The following PZP variants were observed in gnomAD, a reference collection of about 807,000 sequenced individuals.
PZP encodes the protein pregnancy zone protein.
A neutral mutation model predicts 179.8 loss-of-function variants in PZP; 150 were observed. That is an observed-to-expected ratio of 0.83 (90% CI 0.73 to 0.96). PZP has a LOEUF of 0.96. PZP is among the 40% of genes least tolerant of loss of function. The pLI, the probability that PZP is intolerant of heterozygous loss-of-function variation, is 0.00. For missense variants in PZP, 1,689 were observed against 1,764.0 expected (o/e 0.96, Z 0.76); for synonymous variants, 624 against 652.3 (o/e 0.96, Z 0.66).
At chr12:9,178,743 G>A (rs1001292522) in intron 15 of PZP, among the ~76,000 whole-genome samples, 3 of 152,224 alleles carry the variant, frequency 2.0e-5, no homozygotes, top group African/African-American at 2.4e-5. Context: ...ATGTGTTCCA[G>A]CTGATGGTCA....
the PZP span, among the ~76,000 whole-genome samples, chr12:9,139,613 G>A: frequency 2.6e-5 from 4 of 152,234 alleles, no homozygotes; most frequent in East Asian, 7.7e-4. Context: ...GTGTTCTACT[G>A]TTGGATGCAT....
In PZP at chr12:9,198,159, G is replaced by A. The variant is rs148839518; in HGVS notation, c.756-1036C>T. Among the ~76,000 whole-genome samples, 186 of 151,020 alleles carry A rather than the reference G, an allele frequency of 1.2e-3. 4 individuals carry two copies. The South Asian group carries it at 0.02, about 16-fold the overall frequency. Reference sequence around the variant, plus strand: ...AGGCCAAAAGTTCCCAACTAGCATGGGTAACATAGCAGGACCCAATCTCTA... The same window carrying A: ...AGGCCAAAAGTTCCCAACTAGCATGAGTAACATAGCAGGACCCAATCTCTA... On this transcript the variant is annotated intron_variant, in intron 7 of 35. Transcript: ENST00000261336.
Position 9,203,759 on chromosome 12 carries a change from A to G in PZP, c.267+9T>C, listed in dbSNP as rs1211119220. 2 of 1,613,804 alleles carry G rather than the reference A, an allele frequency of 1.2e-6. No homozygotes were observed. Among genetic ancestry groups the G allele is most frequent in the African/African-American group, 2.7e-5 (2 of 74,916 alleles). On this transcript the variant is annotated intron_variant, in intron 2 of 35. Transcript: ENST00000261336. ...AGCAGGGATAGCCAGCTGGCACCGT[A>G]GCACTCACAGTGAAGGAGACACAGT...
chr12:9,179,300 A>G (rs1942601512), intron 15 of PZP, among the ~76,000 whole-genome samples: 1 of 152,080 alleles, frequency 6.6e-6, no homozygotes, highest in Non-Finnish European at 1.5e-5. Context: ...ATCCACCTAT[A>G]TCCTTTTTTA....
intron 6 of PZP, 69 bp from the exon 7 acceptor site, chr12:9,200,517 A>G: frequency 1.6e-6 from 2 of 1,242,776 alleles, no homozygotes; most frequent in Admixed American, 2.0e-5. Context: ...TAATTTCAGT[A>G]TGTCTATAAT....
At chr12:9,198,789 G>T (rs1044903155) in intron 7 of PZP, among the ~76,000 whole-genome samples, 1 of 152,148 alleles carries the variant, frequency 6.6e-6, no homozygotes, top group Non-Finnish European at 1.5e-5. Context: ...TTATTCTGAA[G>T]CCCTTCTCCA....
Position 9,153,223 on chromosome 12 carries a change from C to T in PZP, c.3895G>A (p.Asp1299Asn). 2 of 1,614,182 alleles carry T rather than the reference C, an allele frequency of 1.2e-6. No homozygotes were observed. Residue 1299 changes from aspartate to asparagine, a missense_variant, in exon 30 of 36, where the codon GAC (aspartate) becomes AAC (asparagine). Around this residue, in one of 3 missense-constraint regions of PZP, gnomAD observed 746 missense variants for 749.2 expected, o/e 1.00. Coordinates refer to ENST00000261336, the MANE Select transcript of PZP (RefSeq NM_002864.3). ...TGCAGTAATAGGAGGTTGTTGTTGTCTACTTGGAAATTTGTAGAAAAGGTC... is the reference window on the plus strand; with the variant it reads ...TGCAGTAATAGGAGGTTGTTGTTGTTTACTTGGAAATTTGTAGAAAAGGTC... ...SQTFSTNFQVDNNNLLLLQQI... is the reference protein window; with the variant it reads ...SQTFSTNFQVNNNNLLLLQQI...
chr12:9,149,078 G>T, intron 35 of PZP, 84 bp from the exon 36 acceptor site: 1 of 1,264,900 alleles, frequency 7.9e-7, no homozygotes, highest in Admixed American at 1.7e-5. Flanking sequence ...GTGAGCTTAT[G>T]CAGGGTCAGG....
At chr12:9,186,622 C>T (rs1408764179) in intron 13 of PZP, among the ~76,000 whole-genome samples, 4 of 150,492 alleles carry the variant, frequency 2.7e-5, no homozygotes, top group African/African-American at 9.8e-5. Context: ...CAATGATAGA[C>T]TGGATAAAGA....
At chr12:9,165,484 G>A in intron 18 of PZP, 117 bp from the exon 19 acceptor site, 4 of 1,162,330 alleles carry the variant, frequency 3.4e-6, no homozygotes, top group East Asian at 2.5e-5. Context: ...GGGTATATGC[G>A]AGTGTGCATT....
intron 23 of PZP, among the ~76,000 whole-genome samples, chr12:9,160,802 C>T (rs1175731448): frequency 1.3e-5 from 2 of 151,934 alleles, no homozygotes; most frequent in Non-Finnish European, 2.9e-5. Context: ...GTAGTCCCAG[C>T]TACTCGGGAG....
rs73246398 is a variant in PZP, at chr12:9,165,363, A to C, written c.2263T>G (p.Ser755Ala). ...GTTACTCCTACCTCAGCCACACCTG[A>C]TGAGCTGGGGAGGAGGGCAAGTGAA... ...WIWELVAVNS[S>A]GVAEVGVTVP... Residue 755 changes from serine (S) to alanine (A), a missense_variant, in exon 19 of 36, where the codon TCA becomes GCA. By Grantham distance (99) the Ser-to-Ala change is moderately conservative (BLOSUM62 1). This residue lies in a region of PZP where 201 missense variants were observed against 284.2 expected (regional missense o/e 0.71). Transcript: ENST00000261336. The C allele has an allele frequency of 4.8e-5, 78 of 1,613,998 alleles. No homozygotes were observed. The highest frequency in any genetic ancestry group is 1.9e-4 in the South Asian group (17 of 91,084).
chr12:9,189,496 A>C (rs1423180074), intron 13 of PZP, among the ~76,000 whole-genome samples: 1 of 152,242 alleles, frequency 6.6e-6, no homozygotes, highest in Non-Finnish European at 1.5e-5. Context: ...TCAACTCAAG[A>C]TTGGTTAAAG....
chr12:9,179,780 G>A (rs1327691018), intron 15 of PZP, among the ~76,000 whole-genome samples: 1 of 152,218 alleles, frequency 6.6e-6, no homozygotes, highest in Non-Finnish European at 1.5e-5. Flanking sequence ...TATCACGTAG[G>A]TGGGGAATCT....
At chr12:9,195,202 C>T (rs966895874) in intron 10 of PZP, among the ~76,000 whole-genome samples, 3 of 151,472 alleles carry the variant, frequency 2.0e-5, no homozygotes, top group Non-Finnish European at 4.4e-5. Flanking sequence ...CATGTACTCC[C>T]CAAAATTGAT....
intron 2 of PZP, among the ~76,000 whole-genome samples, chr12:9,203,012 C>G (rs1223362126): frequency 2.0e-5 from 3 of 152,146 alleles, no homozygotes; most frequent in African/African-American, 7.2e-5. Flanking sequence ...AGCTGAGTTT[C>G]CCAAGTTAGG....
chr12:9,181,844 G>T, intron 14 of PZP, 131 bp downstream of exon 14: 2 of 944,984 alleles, frequency 2.1e-6, no homozygotes. Context: ...ATTTGGGTCT[G>T]CCATAAACTT....
chr12:9,157,632 A>C (rs1940858717), intron 27 of PZP, 135 bp downstream of exon 27: 1 of 822,758 alleles, frequency 1.2e-6, no homozygotes, highest in African/African-American at 1.7e-5. Flanking sequence ...TGCATCAACC[A>C]AAGAGCTTAT....
intron 15 of PZP, among the ~76,000 whole-genome samples, chr12:9,175,873 G>C (rs1002795797): frequency 6.6e-6 from 1 of 152,196 alleles, no homozygotes; most frequent in Non-Finnish European, 1.5e-5. Context: ...GTGTAAATTA[G>C]TTCAACCACT....
Sources: allele counts gnomAD v4.1 joint callset (sites outside exome capture counted in the v4.1 genomes callset), GRCh38; gene constraint gnomAD v4.1.1; regional missense constraint gnomAD v4.1.1; transcripts MANE v1.5; gene names NCBI Gene and HGNC (gene_info 2026-07-23, HGNC 2026-07-21).